STPG2: variants seen among roughly 807,000 people sequenced by gnomAD.
The protein encoded by STPG2 is sperm tail PG-rich repeat containing 2, also known as sperm-tail PG-rich repeat-containing protein 2.
In STPG2, 56 loss-of-function variants were observed where a neutral mutation model predicts 54.2. The ratio of observed to expected loss-of-function variants is 1.03; its 90% CI spans 0.83 to 1.29. STPG2 has a LOEUF of 1.29. STPG2 is among the 50% of genes most tolerant of loss of function. The probability of loss-of-function intolerance (pLI) is 0.00; values close to 1 mark genes in which losing one functional copy is unlikely to be tolerated. For synonymous variants in STPG2, 200 were observed against 181.8 expected, an observed-to-expected ratio of 1.10 and a Z score of -0.81; for missense variants, 596 against 544.9, an observed-to-expected ratio of 1.09 and a Z score of -0.93.
At chr4:97,459,722 T>A (rs1729616433) in intron 4 of STPG2, among the ~76,000 whole-genome samples, 1 of 152,158 alleles carries the variant, frequency 6.6e-6, no homozygotes, top group South Asian at 2.1e-4. Flanking sequence ...ATTACAGGCG[T>A]GAGCCACCGT....
chr4:97,562,891 G>C (rs1040283974), intron 10 of STPG2, among the ~76,000 whole-genome samples: 3 of 152,092 alleles, frequency 2.0e-5, no homozygotes, highest in Admixed American at 6.5e-5. Flanking sequence ...AAGGATATTG[G>C]TCTAATATTC....
intron 10 of STPG2, among the ~76,000 whole-genome samples, chr4:97,700,569 C>A (rs1173419124): frequency 1.3e-5 from 2 of 152,200 alleles, no homozygotes; most frequent in East Asian, 1.9e-4. Context: ...TTCCCATTTT[C>A]TGGCATGCAA....
intron 10 of STPG2, among the ~76,000 whole-genome samples, chr4:97,611,921 T>C (rs1733739527): frequency 2.0e-5 from 3 of 151,846 alleles, no homozygotes; most frequent in Non-Finnish European, 4.4e-5. Context: ...AGAACAAAAG[T>C]AGAAGAAGCA....
intron 10 of STPG2, among the ~76,000 whole-genome samples, chr4:97,593,154 C>T (rs1338303848): frequency 6.6e-6 from 1 of 152,060 alleles, no homozygotes; most frequent in Non-Finnish European, 1.5e-5. Context: ...TCCCAGGAGT[C>T]CTCATCATAG....
intron 8 of STPG2, among the ~76,000 whole-genome samples, chr4:97,923,015 A>C (rs1351738580): frequency 6.6e-6 from 1 of 152,194 alleles, no homozygotes. Context: ...TCAACTATAT[A>C]AAACTGTTAG....
At chr4:97,972,787 C>T (rs189666772) in intron 6 of STPG2, among the ~76,000 whole-genome samples, 22 of 152,176 alleles carry the variant, frequency 1.4e-4, no homozygotes, top group Non-Finnish European at 2.4e-4. Context: ...ATAAGTATCA[C>T]GAGATCTGAT....
intron 3 of STPG2, among the ~76,000 whole-genome samples, chr4:98,119,932 A>G (rs1315753274): frequency 2.6e-5 from 4 of 152,222 alleles, no homozygotes; most frequent in Non-Finnish European, 4.4e-5. Flanking sequence ...TTTTATGGTC[A>G]ATCCTTTTTA....
intron 4 of STPG2, among the ~76,000 whole-genome samples, chr4:97,449,217 A>AT (rs1729305318): frequency 6.6e-6 from 1 of 152,158 alleles, no homozygotes; most frequent in Non-Finnish European, 1.5e-5. Context: ...CAATATGTAC[A>AT]TTTTTGCATG....
chr4:97,950,498 T>C (rs1164320366), intron 7 of STPG2, among the ~76,000 whole-genome samples: 2 of 152,214 alleles, frequency 1.3e-5, no homozygotes, highest in Non-Finnish European at 1.5e-5. Context: ...GCTGATTTTT[T>C]CAAAATTTCT....
intron 10 of STPG2, among the ~76,000 whole-genome samples, chr4:97,640,332 A>T (rs1721722956): frequency 6.6e-6 from 1 of 152,114 alleles, no homozygotes; most frequent in African/African-American, 2.4e-5. Context: ...TGTTGAAAGA[A>T]GTGATGCTAT....
At chr4:98,023,941 C>G (rs960654186) in intron 5 of STPG2, among the ~76,000 whole-genome samples, 1 of 152,178 alleles carries the variant, frequency 6.6e-6, no homozygotes, top group African/African-American at 2.4e-5. Context: ...TCACCCCTTT[C>G]TTTGACTAGC....
chr4:97,765,106 G>A lies in STPG2; in HGVS notation c.1205-52292C>T, dbSNP rs183353751. ...GGTGTATAATACAGGAATATTTTTT[G>A]GAATGGTCATGAGGATTAGCCATGA... On this transcript the variant is annotated intron_variant, in intron 9 of 10. Transcript: ENST00000295268. Among the ~76,000 whole-genome samples the A allele has an allele frequency of 2.3e-3, 349 of 152,132 alleles. 1 individual carries two copies. Among genetic ancestry groups the A allele is most frequent in the Non-Finnish European group, 3.5e-3 (238 of 67,966 alleles).
At chr4:97,454,641 G>A (rs1729470167) in intron 4 of STPG2, among the ~76,000 whole-genome samples, 1 of 144,614 alleles carries the variant, frequency 6.9e-6, no homozygotes, top group South Asian at 2.3e-4. Context: ...TTCATGTTAT[G>A]TGCCCATGCA....
intron 9 of STPG2, among the ~76,000 whole-genome samples, chr4:97,774,850 G>C (rs750167298): frequency 6.6e-6 from 1 of 152,122 alleles, no homozygotes; most frequent in Non-Finnish European, 1.5e-5. Context: ...TGTAAAAATG[G>C]CTACTGAGGT....
chr4:97,595,782 A>G (rs959222489), intron 10 of STPG2, among the ~76,000 whole-genome samples: 2 of 152,144 alleles, frequency 1.3e-5, no homozygotes, highest in Non-Finnish European at 1.5e-5. Flanking sequence ...TCAGTATAAA[A>G]ATGAAAGACA....
intron 8 of STPG2, among the ~76,000 whole-genome samples, chr4:97,905,258 T>C (rs1484692784): frequency 6.6e-6 from 1 of 152,170 alleles, no homozygotes. Flanking sequence ...AGCGGATGTC[T>C]CGGCAGAAAC....
chr4:98,100,685 T>G (rs1318285304), intron 5 of STPG2, among the ~76,000 whole-genome samples: 34 of 147,606 alleles, frequency 2.3e-4, no homozygotes, highest in African/African-American at 7.0e-4. Flanking sequence ...TTTTTTTTTT[T>G]TTGTTTTTGA....
chr4:97,718,293 G>T (rs1468404838), intron 9 of STPG2, among the ~76,000 whole-genome samples: 4 of 151,866 alleles, frequency 2.6e-5, no homozygotes, highest in Non-Finnish European at 5.9e-5. Flanking sequence ...AAACATTAAA[G>T]AAAATCACTA....
intron 3 of STPG2, among the ~76,000 whole-genome samples, chr4:98,113,920 A>G (rs1350224410): frequency 6.6e-6 from 1 of 152,086 alleles, no homozygotes; most frequent in Non-Finnish European, 1.5e-5. Flanking sequence ...GTAGGGGGGC[A>G]GAGACAAATG....
Sources: gnomAD v4.1 joint callset for allele counts (sites outside exome capture counted in the v4.1 genomes callset) on GRCh38, gnomAD v4.1.1 for gene constraint, MANE v1.5 for transcripts, NCBI Gene and HGNC (gene_info 2026-07-23, HGNC 2026-07-21) for gene names.